The following SLC9A9 variants were observed in gnomAD, a reference collection of about 807,000 sequenced individuals.
SLC9A9 encodes the protein sodium/hydrogen exchanger 9.
Under a neutral mutation model 77.8 loss-of-function variants are expected in SLC9A9, and 62 were observed. The ratio of observed to expected loss-of-function variants is 0.80; its 90% CI spans 0.65 to 0.98. The LOEUF (loss-of-function observed/expected upper bound fraction) is 0.98. Ranked by LOEUF, SLC9A9 falls within the 50% of genes least tolerant of loss-of-function variation. The pLI, the probability that SLC9A9 is intolerant of heterozygous loss-of-function variation, is 0.00. For missense variants in SLC9A9, 775 were observed against 774.9 expected, an observed-to-expected ratio of 1.00 and a Z score of 0.00; for synonymous variants, 320 against 283.5, an observed-to-expected ratio of 1.13 and a Z score of -1.29.
intron 4 of SLC9A9, among the ~76,000 whole-genome samples, chr3:143,701,597 T>C (rs1933803770): frequency 6.6e-6 from 1 of 151,752 alleles, no homozygotes; most frequent in Admixed American, 6.6e-5. Flanking sequence ...ACAGGATATT[T>C]GAAAATACAC....
intron 14 of SLC9A9, among the ~76,000 whole-genome samples, chr3:143,280,833 A>G (rs1292283763): frequency 6.6e-6 from 1 of 152,186 alleles, no homozygotes; most frequent in Non-Finnish European, 1.5e-5. Flanking sequence ...AATTACAGGC[A>G]TGAGCTACCG....
chr3:143,660,731 A>AAT (rs2038965599), intron 5 of SLC9A9, among the ~76,000 whole-genome samples: 1 of 152,202 alleles, frequency 6.6e-6, no homozygotes, highest in South Asian at 2.1e-4. Flanking sequence ...TTGGTTTTTC[A>AAT]ATATATGAGT....
At chr3:143,544,107 T>C (rs550519474) in intron 9 of SLC9A9, among the ~76,000 whole-genome samples, 1 of 152,394 alleles carries the variant, frequency 6.6e-6, no homozygotes, top group East Asian at 1.9e-4. Flanking sequence ...TGATTTGCAC[T>C]TCTCTGATAA....
chr3:143,389,673 C>A (rs1004653170), intron 12 of SLC9A9, among the ~76,000 whole-genome samples: 1 of 152,146 alleles, frequency 6.6e-6, no homozygotes, highest in Admixed American at 6.5e-5. Context: ...AAAATAGCAA[C>A]CCCCTCAGAG....
At chr3:143,750,282 A>G (rs142585505) in intron 4 of SLC9A9, among the ~76,000 whole-genome samples, 1 of 152,354 alleles carries the variant, frequency 6.6e-6, no homozygotes, top group African/African-American at 2.4e-5. Context: ...TAATGACTCC[A>G]GTAAATGACA....
At chr3:143,439,994 CATT>C (rs1186114241) in intron 12 of SLC9A9, among the ~76,000 whole-genome samples, 1 of 152,216 alleles carries the variant, frequency 6.6e-6, no homozygotes, top group African/African-American at 2.4e-5. Flanking sequence ...CTGCCTCTGA[CATT>C]GTTGGTTTTC....
intron 4 of SLC9A9, among the ~76,000 whole-genome samples, chr3:143,695,161 T>C (rs1279944768): frequency 1.3e-5 from 2 of 152,128 alleles, no homozygotes; most frequent in Non-Finnish European, 2.9e-5. Flanking sequence ...AGCTTATTTA[T>C]TCATTCAAAA....
chr3:143,424,772 G>C (rs996444131), intron 12 of SLC9A9, among the ~76,000 whole-genome samples: 11 of 152,306 alleles, frequency 7.2e-5, no homozygotes, highest in African/African-American at 2.4e-4. Context: ...AACAGGGAGA[G>C]GAGTGAGGTG....
intron 9 of SLC9A9, among the ~76,000 whole-genome samples, chr3:143,523,981 C>T (rs2036361408): frequency 1.3e-5 from 2 of 152,202 alleles, no homozygotes; most frequent in South Asian, 4.1e-4. Flanking sequence ...TTCTGACATG[C>T]TGAAAGAACA....
intron 1 of SLC9A9, among the ~76,000 whole-genome samples, chr3:143,844,150 A>G (rs1326397168): frequency 6.6e-6 from 1 of 152,232 alleles, no homozygotes; most frequent in Non-Finnish European, 1.5e-5. Flanking sequence ...CAAATGCCAC[A>G]CAATTTTTCT....
chr3:143,518,268 C>T (rs529835862), intron 9 of SLC9A9: 8 of 1,472,530 alleles, frequency 5.4e-6, no homozygotes, highest in South Asian at 3.4e-5. Flanking sequence ...GGCTGCAGCC[C>T]GGTTCCAGGC....
Position 143,709,943 on chromosome 3 carries a change from T to A in SLC9A9, c.534-16636A>T, listed in dbSNP as rs141773535. Among the ~76,000 whole-genome samples the A allele has an allele frequency of 6.9e-3, 1,045 of 152,310 alleles. 7 individuals are homozygous for A. Among genetic ancestry groups the A allele is most frequent in the Middle Eastern group, 0.017 (5 of 294 alleles). ...GACAGTAGAGAAAGAGACAGATGATTGTTTTGGTGTCATCACAGGTTTTGC... is the reference window on the plus strand; with the variant it reads ...GACAGTAGAGAAAGAGACAGATGATAGTTTTGGTGTCATCACAGGTTTTGC... On this transcript the variant is annotated intron_variant, in intron 4 of 15. Coordinates refer to ENST00000316549, the MANE Select transcript of SLC9A9 (RefSeq NM_173653.4).
chr3:143,845,541 C>T lies in SLC9A9; in HGVS notation c.175+2607G>A, dbSNP rs992640520. On this transcript the variant is annotated intron_variant, in intron 1 of 15. Coordinates refer to ENST00000316549, the MANE Select transcript of SLC9A9 (RefSeq NM_173653.4). Reference sequence around the variant, plus strand: ...CACAGGGAGAGTTCTTTCAGGTGAACGTGAACCTTAGTAAGACATGCAGAT... The same window carrying T: ...CACAGGGAGAGTTCTTTCAGGTGAATGTGAACCTTAGTAAGACATGCAGAT... Among the ~76,000 whole-genome samples, 5 of 152,278 alleles carry T rather than the reference C, an allele frequency of 3.3e-5. No homozygotes were observed. The East Asian group carries it at 7.7e-4, about 23-fold the overall frequency.
Position 143,705,211 on chromosome 3 carries a change from G to A in SLC9A9, c.534-11904C>T, listed in dbSNP as rs77556521. On this transcript the variant is annotated intron_variant, in intron 4 of 15. Coordinates refer to ENST00000316549, the MANE Select transcript of SLC9A9 (RefSeq NM_173653.4). ...CCAGGCACAGAAAGACAAATTTCAC[G>A]TTACCACTCACTTGTGGGAGCTAAA... Among the ~76,000 whole-genome samples, 278 of 152,102 alleles carry A rather than the reference G, an allele frequency of 1.8e-3. 6 individuals carry two copies. Among genetic ancestry groups the A allele is most frequent in the East Asian group, 0.017 (88 of 5,178 alleles).
At chr3:143,787,547 T>C (rs1444671556) in intron 4 of SLC9A9, among the ~76,000 whole-genome samples, 2 of 152,232 alleles carry the variant, frequency 1.3e-5, no homozygotes, top group Admixed American at 1.3e-4. Flanking sequence ...AAAGATACCA[T>C]ATTACATGTG....
chr3:143,364,421 C>T (rs2032839873), intron 13 of SLC9A9, among the ~76,000 whole-genome samples: 1 of 152,044 alleles, frequency 6.6e-6, no homozygotes, highest in Non-Finnish European at 1.5e-5. Context: ...TGTCTGGACC[C>T]CCAGTTTTCA....
chr3:143,494,986 G>T (rs1179984964), intron 10 of SLC9A9, among the ~76,000 whole-genome samples: 1 of 152,192 alleles, frequency 6.6e-6, no homozygotes, highest in Non-Finnish European at 1.5e-5. Context: ...CTCTAATGCA[G>T]ATTAAGTCTG....
intron 6 of SLC9A9, among the ~76,000 whole-genome samples, chr3:143,636,683 C>G (rs943236940): frequency 6.6e-6 from 1 of 152,092 alleles, no homozygotes; most frequent in African/African-American, 2.4e-5. Context: ...CCACGTGTAC[C>G]CATTATTTAG....
chr3:143,758,556 G>T (rs1392790401), intron 4 of SLC9A9, among the ~76,000 whole-genome samples: 1 of 152,134 alleles, frequency 6.6e-6, no homozygotes, highest in Non-Finnish European at 1.5e-5. Flanking sequence ...AGATAAAGTT[G>T]TTAACAGAGA....
Sources: allele counts gnomAD v4.1 joint callset (sites outside exome capture counted in the v4.1 genomes callset), GRCh38; gene constraint gnomAD v4.1.1; transcripts MANE v1.5; gene names NCBI Gene and HGNC (gene_info 2026-07-23, HGNC 2026-07-21).